The following CHRNB4 variants were observed in gnomAD, a reference collection of about 807,000 sequenced individuals.
The protein encoded by CHRNB4 is cholinergic receptor nicotinic beta 4 subunit, also known as neuronal acetylcholine receptor subunit beta-4.
In CHRNB4, 23 loss-of-function variants were observed where a neutral mutation model predicts 40.4. That is an observed-to-expected ratio of 0.57 (90% CI 0.41 to 0.81). The LOEUF (loss-of-function observed/expected upper bound fraction) is 0.81, where lower values mean the gene tolerates loss of function less well. Ranked by LOEUF, CHRNB4 falls within the 30% of genes least tolerant of loss-of-function variation. CHRNB4 has a pLI of 0.00. For synonymous variants in CHRNB4, 285 were observed against 274.4 expected (o/e 1.04, Z -0.38); for missense variants, 568 against 670.6 (o/e 0.85, Z 1.69).
At chr15:78,636,813 T>C (rs2053960643) in intron 1 of CHRNB4, among the ~76,000 whole-genome samples, 1 of 152,100 alleles carries the variant, frequency 6.6e-6, no homozygotes, top group Non-Finnish European at 1.5e-5. Context: ...CAGTTATGAA[T>C]TATCTGAGGG....
intron 1 of CHRNB4, among the ~76,000 whole-genome samples, chr15:78,660,025 G>A (rs1412286987): frequency 6.6e-6 from 1 of 152,022 alleles, no homozygotes; most frequent in Non-Finnish European, 1.5e-5. Context: ...TGGCCAACAT[G>A]GTGAAACCCC....
intron 4 of CHRNB4, chr15:78,656,082 A>T (rs2054211058): frequency 6.6e-6 from 1 of 152,228 alleles, no homozygotes; most frequent in South Asian, 2.1e-4. Flanking sequence ...TCACACCTGT[A>T]ATCCCAGCAC....
intron 2 of CHRNB4, among the ~76,000 whole-genome samples, chr15:78,632,166 TC>T (rs1596105453): frequency 2.4e-5 from 3 of 123,992 alleles, no homozygotes; most frequent in African/African-American, 9.0e-5. Context: ...TCTTTTCTTT[TC>T]TTTCTCTTTC....
At chr15:78,633,860 T>C (rs2053888007) in intron 2 of CHRNB4, among the ~76,000 whole-genome samples, 1 of 135,726 alleles carries the variant, frequency 7.4e-6, no homozygotes, top group Admixed American at 8.3e-5. Context: ...GAGATGAGAG[T>C]CAGCAGAGGA....
Position 78,641,187 on chromosome 15 carries a change from C to T in CHRNB4, c.-54G>A. On this transcript the variant is annotated 5_prime_UTR_variant, in exon 1 of 6. Transcript: ENST00000261751. ...CGAGCTCCGCTGTGGGGTCACAGGG[C>T]ACCCGTGAGCCGCGCGGTCGAGTGA... is the stretch of plus-strand genomic sequence containing the variant. 1 of 1,437,590 alleles carries T rather than the reference C, an allele frequency of 7.0e-7. No homozygotes were observed. The highest frequency in any genetic ancestry group is 9.1e-7 in the Non-Finnish European group (1 of 1,094,336). 89.1% of individuals were successfully genotyped at this position (1,437,590 alleles called of 1,614,324 possible). A position where few individuals can be genotyped will look rare whatever the true frequency, so the allele number is the denominator to read the frequency against.
chr15:78,658,026 CTCTTTT>C (rs1380136482), intron 2 of CHRNB4, among the ~76,000 whole-genome samples: 4 of 93,074 alleles, frequency 4.3e-5, no homozygotes, highest in African/African-American at 1.6e-4. Context: ...TCTCTTGTTT[CTCTTTT>C]TTTTTTTTTT....
At chr15:78,649,183 T>C (rs1298505614) in intron 7 of CHRNB4, among the ~76,000 whole-genome samples, 1 of 151,804 alleles carries the variant, frequency 6.6e-6, no homozygotes, top group Non-Finnish European at 1.5e-5. Flanking sequence ...GGCTGCCAGT[T>C]TGGAGAGAAA....
intron 5 of CHRNB4, among the ~76,000 whole-genome samples, chr15:78,628,526 G>GGAATGA (rs2053713198): frequency 6.6e-6 from 1 of 152,198 alleles, no homozygotes; most frequent in Non-Finnish European, 1.5e-5. Flanking sequence ...TAGGGAATGG[G>GGAATGA]GGCTGGTGGG....
chr15:78,636,141 A>C (rs2053944967), intron 1 of CHRNB4, among the ~76,000 whole-genome samples: 1 of 152,142 alleles, frequency 6.6e-6, no homozygotes, highest in Non-Finnish European at 1.5e-5. Flanking sequence ...TCCTGGCCTC[A>C]GGTGATCCAC....
At chr15:78,648,636 C>G (rs1390160688) in intron 7 of CHRNB4, among the ~76,000 whole-genome samples, 1 of 151,348 alleles carries the variant, frequency 6.6e-6, no homozygotes, top group African/African-American at 2.4e-5. Flanking sequence ...TGCCTGTAAT[C>G]CCAGCTACTC....
rs2054145801 is a variant in CHRNB4, at chr15:78,648,562, T to C, written c.46+817A>G. ...CAAGGTCAAGAGTTCGAGACCAGCCTGGCCAACATGGTGAAACCCTGTATC... is the reference window on the plus strand; with the variant it reads ...CAAGGTCAAGAGTTCGAGACCAGCCCGGCCAACATGGTGAAACCCTGTATC... On this transcript the variant is annotated intron_variant and NMD_transcript_variant, in intron 7 of 11. Transcript: ENST00000559849. Among the ~76,000 whole-genome samples, 7 of 151,420 alleles carry C rather than the reference T, an allele frequency of 4.6e-5. No homozygotes were observed. The South Asian group carries it at 1.5e-3, about 32-fold the overall frequency.
At chr15:78,652,381 T>C (rs1023804973) in intron 6 of CHRNB4, among the ~76,000 whole-genome samples, 2 of 152,208 alleles carry the variant, frequency 1.3e-5, no homozygotes, top group Non-Finnish European at 2.9e-5. Flanking sequence ...ACAGAGCCAG[T>C]AGCATTGGTG....
chr15:78,647,272 A>G (rs1261326781), intron 7 of CHRNB4, among the ~76,000 whole-genome samples: 4 of 152,202 alleles, frequency 2.6e-5, no homozygotes, highest in Admixed American at 1.3e-4. Flanking sequence ...ATTAGAAGAT[A>G]TTTGCAATTC....
rs188419834 is a variant in CHRNB4 at position 78,647,838 on chromosome 15, C to T, written c.46+1541G>A. 4.7e-3 allele frequency among the ~76,000 whole-genome samples: 513 copies of T among 108,248 alleles called. 1 individual carries two copies. The highest frequency in any genetic ancestry group is 0.025 in the Middle Eastern group (2 of 80). 71.0% of individuals were successfully genotyped at this position (108,248 alleles called of 152,430 possible). ...TCACACCACTGCACTCCAGCCTGGGCAACAGAGCGAGAGACTCCATCTCAA... is the reference window on the plus strand; with the variant it reads ...TCACACCACTGCACTCCAGCCTGGGTAACAGAGCGAGAGACTCCATCTCAA... On this transcript the variant is annotated intron_variant and NMD_transcript_variant, in intron 7 of 11. Transcript: ENST00000559849.
intron 2 of CHRNB4, among the ~76,000 whole-genome samples, chr15:78,633,784 T>C (rs1045660518): frequency 6.6e-6 from 1 of 151,994 alleles, no homozygotes; most frequent in African/African-American, 2.4e-5. Context: ...GGGAGATGGC[T>C]TGGAAAGAGG....
chr15:78,641,211 G>A, upstream of CHRNB4: 2 of 1,324,126 alleles, frequency 1.5e-6, no homozygotes, highest in Non-Finnish European at 9.9e-7. Flanking sequence ...GCGGTCGAGT[G>A]AGCGCCGGTC....
At chr15:78,638,910 C>T (rs1161273244) in intron 1 of CHRNB4, among the ~76,000 whole-genome samples, 4 of 152,164 alleles carry the variant, frequency 2.6e-5, no homozygotes, top group African/African-American at 4.8e-5. Flanking sequence ...ACAGAGAAGC[C>T]GCCACTAGGG....
chr15:78,627,012 G>A lies in CHRNB4; in HGVS notation c.1339-1721C>T, dbSNP rs539752503. 1.0e-3 allele frequency: 157 copies of A among 152,336 alleles called. 1 individual carries two copies. Among genetic ancestry groups the A allele is most frequent in the African/African-American group, 3.7e-3 (155 of 41,554 alleles). 9.4% of individuals were successfully genotyped at this position (152,336 alleles called of 1,614,324 possible). Reference sequence around the variant, plus strand: ...TCTAGAATGTGCACACGAACCACCAGGGATTGGTTAAAAATGCAGGCTCCA... The same window carrying A: ...TCTAGAATGTGCACACGAACCACCAAGGATTGGTTAAAAATGCAGGCTCCA... On this transcript the variant is annotated intron_variant, in intron 5 of 5. Coordinates refer to ENST00000261751, the MANE Select transcript of CHRNB4 (RefSeq NM_000750.5).
chr15:78,660,206 TAA>T (rs34647677), intron 1 of CHRNB4, among the ~76,000 whole-genome samples: 8 of 143,618 alleles, frequency 5.6e-5, no homozygotes, highest in African/African-American at 2.1e-4. Flanking sequence ...GACTCCGTCT[TAA>T]AAAAAAAAAA....
Sources: gnomAD v4.1 joint callset for allele counts (sites outside exome capture counted in the v4.1 genomes callset) on GRCh38, gnomAD v4.1.1 for gene constraint, MANE v1.5 for transcripts, NCBI Gene and HGNC (gene_info 2026-07-23, HGNC 2026-07-21) for gene names.